GPC6: variants seen among roughly 807,000 people sequenced by gnomAD.
GPC6 encodes the protein glypican-6.
Under a neutral mutation model 55.2 loss-of-function variants are expected in GPC6, and 14 were observed. The observed-to-expected ratio is 0.25, with a 90% CI of 0.17 to 0.40. The LOEUF is 0.40. GPC6 is among the 10% of genes least tolerant of loss of function. GPC6 has a pLI of 1.00. For synonymous variants in GPC6, 278 were observed against 259.6 expected (o/e 1.07, Z -0.68); for missense variants, 641 against 708.5 (o/e 0.90, Z 1.08).
At chr13:93,231,438 T>G (rs117499222) in intron 1 of GPC6, among the ~76,000 whole-genome samples, 38,994 of 135,590 alleles carry the variant, frequency 0.29, 6,286 homozygotes, top group Admixed American at 0.37. Flanking sequence ...TATATATATA[T>G]ATAGTCTGGT....
intron 1 of GPC6, among the ~76,000 whole-genome samples, chr13:93,349,735 A>G (rs1286677744): frequency 1.3e-5 from 2 of 152,188 alleles, no homozygotes; most frequent in African/African-American, 2.4e-5. Flanking sequence ...TCTCATTTTA[A>G]TATTAATGTT....
intron 4 of GPC6, among the ~76,000 whole-genome samples, chr13:94,108,316 C>T (rs1886126733): frequency 6.6e-6 from 1 of 152,082 alleles, no homozygotes; most frequent in African/African-American, 2.4e-5. Context: ...TATGTTCTCA[C>T]TCATAAATAG....
chr13:94,130,238 T>C (rs1273786105), intron 4 of GPC6, among the ~76,000 whole-genome samples: 1 of 152,150 alleles, frequency 6.6e-6, no homozygotes, highest in East Asian at 1.9e-4. Flanking sequence ...AAATTAACTT[T>C]TTCTGTATCA....
chr13:93,604,349 C>A (rs1878148251), intron 2 of GPC6, among the ~76,000 whole-genome samples: 1 of 152,168 alleles, frequency 6.6e-6, no homozygotes, highest in Non-Finnish European at 1.5e-5. Context: ...AGGGCTTACA[C>A]TTTCTGATTG....
rs187051683 is a variant in GPC6, at chr13:93,849,542, G to T, written c.711+18997G>T. Among the ~76,000 whole-genome samples the T allele has an allele frequency of 4.7e-4, 71 of 152,210 alleles. 1 individual carries two copies. The highest frequency in any genetic ancestry group is 1.6e-3 in the African/African-American group (68 of 41,560). ...ATGCAGTTGCAGCTCAAGATCTGCT[G>T]AAGAGTGGTGAATCTTTGTACTCAG... is the stretch of plus-strand genomic sequence containing the variant. On this transcript the variant is annotated intron_variant, in intron 3 of 8. Coordinates refer to ENST00000377047, the MANE Select transcript of GPC6 (RefSeq NM_005708.5).
In GPC6 at chr13:93,775,414, G is replaced by T. The variant is rs77622895; in HGVS notation, c.320-54740G>T. On this transcript the variant is annotated intron_variant, in intron 2 of 8. Transcript: ENST00000377047. ...TCTAGGTTTTAGGTTTCGTATCTGA[G>T]ATTTGAGCCCAGGCTCAAAGCCTAG... Among the ~76,000 whole-genome samples the T allele has an allele frequency of 6.3e-3, 953 of 152,294 alleles. 11 individuals are homozygous for T. The highest frequency in any genetic ancestry group is 0.021 in the African/African-American group (893 of 41,562).
intron 1 of GPC6, among the ~76,000 whole-genome samples, chr13:93,295,790 C>T (rs2139086974): frequency 6.6e-6 from 1 of 152,250 alleles, no homozygotes; most frequent in South Asian, 2.1e-4. Flanking sequence ...CTCACTGCAA[C>T]CTATGCCTCC....
At chr13:93,589,272 T>A (rs1877353707) in intron 2 of GPC6, among the ~76,000 whole-genome samples, 1 of 27,294 alleles carries the variant, frequency 3.7e-5, no homozygotes, top group South Asian at 9.0e-4. Flanking sequence ...CAACATTTTC[T>A]CAAAAAAAAT....
chr13:94,003,230 A>G (rs1181900688), intron 3 of GPC6, among the ~76,000 whole-genome samples: 1 of 152,220 alleles, frequency 6.6e-6, no homozygotes, highest in Non-Finnish European at 1.5e-5. Context: ...GTAGTGTGTC[A>G]AAGGTGTATT....
At chr13:93,454,066 C>CA (rs1228580779) in intron 1 of GPC6, among the ~76,000 whole-genome samples, 1 of 152,122 alleles carries the variant, frequency 6.6e-6, no homozygotes, top group African/African-American at 2.4e-5. Context: ...TAGTTAGATA[C>CA]AGAGTATCCA....
chr13:94,110,027 TC>T (rs915613574), intron 4 of GPC6, among the ~76,000 whole-genome samples: 2 of 137,982 alleles, frequency 1.4e-5, no homozygotes, highest in African/African-American at 5.5e-5. Flanking sequence ...ATCTTGAGTG[TC>T]CCAGATAAAA....
At chr13:94,119,196 T>C (rs1886539708) in intron 4 of GPC6, among the ~76,000 whole-genome samples, 1 of 152,098 alleles carries the variant, frequency 6.6e-6, no homozygotes, top group South Asian at 2.1e-4. Flanking sequence ...AGGTCGTTGG[T>C]ATCTAATGCA....
rs1886613016 is a variant in GPC6, at chr13:94,121,048, C to A, written c.877+93154C>A. On this transcript the variant is annotated intron_variant, in intron 4 of 8. Coordinates refer to ENST00000377047, the MANE Select transcript of GPC6 (RefSeq NM_005708.5). Reference sequence around the variant, plus strand: ...AAAAAGATTAATGGGAGGGAAACACCCAAAGGAAATGAGGCTAGAAAATGT... The same window carrying A: ...AAAAAGATTAATGGGAGGGAAACACACAAAGGAAATGAGGCTAGAAAATGT... 2.0e-5 allele frequency among the ~76,000 whole-genome samples: 3 copies of A among 151,950 alleles called. No homozygotes were observed. The South Asian group carries it at 6.2e-4, about 32-fold the overall frequency.
At chr13:93,924,024 T>A (rs1191909365) in intron 3 of GPC6, among the ~76,000 whole-genome samples, 1 of 152,120 alleles carries the variant, frequency 6.6e-6, no homozygotes, top group Non-Finnish European at 1.5e-5. Context: ...CAAAGTGATG[T>A]TGTGCAGTGC....
chr13:94,161,270 C>A (rs1044868906), intron 4 of GPC6, among the ~76,000 whole-genome samples: 1 of 150,644 alleles, frequency 6.6e-6, no homozygotes, highest in African/African-American at 2.5e-5. Context: ...CATCCACAAC[C>A]ATTTCCTCAT....
chr13:93,323,300 CTT>C (rs1879521885), intron 1 of GPC6, among the ~76,000 whole-genome samples: 1 of 152,046 alleles, frequency 6.6e-6, no homozygotes, highest in Admixed American at 6.6e-5. Context: ...TGTGGACAAA[CTT>C]ATTAAGTAAT....
At chr13:93,894,972 C>A (rs1594566031) in intron 3 of GPC6, among the ~76,000 whole-genome samples, 1 of 151,518 alleles carries the variant, frequency 6.6e-6, no homozygotes, top group East Asian at 1.9e-4. Flanking sequence ...TTACTGAATG[C>A]ATATAGAGTG....
chr13:93,843,143 T>G (rs1419999358), intron 3 of GPC6, among the ~76,000 whole-genome samples: 1 of 151,904 alleles, frequency 6.6e-6, no homozygotes, highest in Non-Finnish European at 1.5e-5. Flanking sequence ...AAGAGATTTG[T>G]TTGCTGCCGA....
At chr13:93,663,636 T>C (rs1881016166) in intron 2 of GPC6, among the ~76,000 whole-genome samples, 1 of 152,234 alleles carries the variant, frequency 6.6e-6, no homozygotes. Context: ...AATTGTATTG[T>C]ACCTTCTTTT....
Sources: allele counts gnomAD v4.1 joint callset (sites outside exome capture counted in the v4.1 genomes callset), GRCh38; gene constraint gnomAD v4.1.1; transcripts MANE v1.5; gene names NCBI Gene and HGNC (gene_info 2026-07-23, HGNC 2026-07-21).